The following ZSCAN31 variants were observed in gnomAD, a reference collection of about 807,000 sequenced individuals.
The protein encoded by ZSCAN31 is zinc finger and SCAN domain-containing protein 31.
A neutral mutation model predicts 22.5 loss-of-function variants in ZSCAN31; 14 were observed. That is an observed-to-expected ratio of 0.62 (90% CI 0.41 to 0.97). The LOEUF (loss-of-function observed/expected upper bound fraction) is 0.97. Among genes scored for constraint, ZSCAN31 ranks in the 50% least tolerant of loss-of-function variants. The probability of loss-of-function intolerance (pLI) is 0.00; values close to 1 mark genes in which losing one functional copy is unlikely to be tolerated. For synonymous variants in ZSCAN31, 168 were observed against 169.8 expected (o/e 0.99, Z 0.08); for missense variants, 424 against 483.4 (o/e 0.88, Z 1.15).
chr6:28,329,617 G>A lies in ZSCAN31; in HGVS notation c.67C>T (p.Gln23Ter). Residue 23 changes from glutamine (Q) to a stop codon, truncating the protein, a stop_gained, in exon 2 of 4, where the codon CAA (glutamine) becomes TAA (stop). Transcript: ENST00000344279. LOFTEE classifies it high-confidence loss of function. ...TTGTTCCCTCGAAGGTGGGTTTCTT[G>A]GTCCCAGATAGGGTCTTCCTCCACT... is the stretch of plus-strand genomic sequence containing the variant. Reference protein sequence around the residue: ...VKVEEDPIWDQETHLRGNNFS... With the variant: ...VKVEEDPIWD 6.2e-7 allele frequency: 1 copy of A among 1,614,130 alleles called. No individual in the cohort carries two copies. Among genetic ancestry groups the A allele is most frequent in the Non-Finnish European group, 8.5e-7 (1 of 1,180,026 alleles).
chr6:28,353,955 G>A (rs1356958125), intron 1 of ZSCAN31: 1 of 454,806 alleles, frequency 2.2e-6, no homozygotes, highest in Non-Finnish European at 4.4e-6. Context: ...ACTCGGGGCT[G>A]TAGGCAGGTA....
chr6:28,330,743 C>A (rs922834558), intron 1 of ZSCAN31, among the ~76,000 whole-genome samples: 2 of 152,074 alleles, frequency 1.3e-5, no homozygotes, highest in Non-Finnish European at 2.9e-5. Context: ...ATATATAAAA[C>A]CAGCTATAAT....
At chr6:28,326,960 A>C in intron 3 of ZSCAN31, 106 bp from the exon 4 acceptor site, 2 of 1,119,530 alleles carry the variant, frequency 1.8e-6, no homozygotes, top group Non-Finnish European at 2.5e-6. Flanking sequence ...TGTTCTAGGA[A>C]TGAAGAACTG....
chr6:28,353,695 A>G (rs1765216040), intron 2 of ZSCAN31, among the ~76,000 whole-genome samples: 1 of 152,230 alleles, frequency 6.6e-6, no homozygotes, highest in Non-Finnish European at 1.5e-5. Context: ...AGGAGTCTAC[A>G]GCCTAGAAAT....
chr6:28,329,508 C>T lies in ZSCAN31; in HGVS notation c.176G>A (p.Arg59Gln), dbSNP rs142010958. 9.9e-5 allele frequency: 159 copies of T among 1,614,084 alleles called. No homozygotes were observed. The highest frequency in any genetic ancestry group is 1.6e-4 in the Middle Eastern group (1 of 6,084). The change falls in exon 2 of 4, where the codon CGG becomes CAG. Residue 59 changes from arginine to glutamine, a missense_variant. Arg to Gln is a conservative substitution (Grantham distance 43). Coordinates refer to ENST00000344279, the MANE Select transcript of ZSCAN31 (RefSeq NM_030899.5). The part of the protein sequence containing the change: ...ETPGPREALS[R>Q]LRELCHQWLR... ...CCACTGATGACAGAGTTCTCGGAGC[C>T]GGCTCAGAGCTTCTCGGGGACCAGG... is the stretch of plus-strand genomic sequence containing the variant.
At chr6:28,339,665 T>C (rs992702354), upstream of ZSCAN31, among the ~76,000 whole-genome samples, 2 of 152,254 alleles carry the variant, frequency 1.3e-5, no homozygotes, top group African/African-American at 2.4e-5. Flanking sequence ...ATTTATTGCT[T>C]AAATCATGCC....
rs958852729 is a variant in ZSCAN31, at chr6:28,347,589, A to AT, written c.-370-5798dup. Reference sequence around the variant, plus strand: ...TTGTTTGTTTTTGTTTATTATTATTATTTTTTTGGCTCAGTCTCCCCTGGA... The same window carrying AT: ...TTGTTTGTTTTTGTTTATTATTATTATTTTTTTTGGCTCAGTCTCCCCTGGA... On this transcript the variant is annotated intron_variant, in intron 2 of 7. Transcript: ENST00000396838. This position sits in a 1 kb window ranked among gnomAD's most constrained non-coding sequence, Gnocchi z 5.2. 3.3e-5 allele frequency among the ~76,000 whole-genome samples: 5 copies of AT among 151,294 alleles called. No individual in the cohort carries two copies. Among genetic ancestry groups the AT allele is most frequent in the East Asian group, 3.9e-4 (2 of 5,164 alleles).
chr6:28,328,842 T>C (rs975207953), intron 2 of ZSCAN31, among the ~76,000 whole-genome samples: 1 of 152,190 alleles, frequency 6.6e-6, no homozygotes, highest in Admixed American at 6.5e-5. Flanking sequence ...AACTAATAAA[T>C]GTCCATGAAA....
At chr6:28,326,951 G>A in intron 3 of ZSCAN31, 97 bp from the exon 4 acceptor site, 1 of 1,194,600 alleles carries the variant, frequency 8.4e-7, no homozygotes, top group Non-Finnish European at 1.2e-6. Context: ...AAACAGACAT[G>A]TTCTAGGAAT....
chr6:28,346,342 CTTTT>C lies in ZSCAN31; in HGVS notation c.-370-4554_-370-4551del, dbSNP rs5875155. On this transcript the variant is annotated intron_variant, in intron 2 of 7. Coordinates refer to the ZSCAN31 transcript ENST00000396838. ...GCTTCTTGCTTCTCCTCAGTACAAT[CTTTT>C]TTTTTTTTTTTTTTTTTTTTTAAAC... Among the ~76,000 whole-genome samples the C allele has an allele frequency of 2.4e-3, 207 of 87,770 alleles. 1 individual carries two copies. Among genetic ancestry groups the C allele is most frequent in the Middle Eastern group, 0.023 (3 of 132 alleles). 57.6% of individuals were successfully genotyped at this position (87,770 alleles called of 152,430 possible).
At chr6:28,354,217 G>A (rs574947272), upstream of ZSCAN31, 760 of 311,108 alleles carry the variant, frequency 2.4e-3, 7 homozygotes, top group African/African-American at 0.014. Flanking sequence ...TATGTACAGT[G>A]TCAGCAGGGC....
intron 2 of ZSCAN31, among the ~76,000 whole-genome samples, chr6:28,345,168 A>AAAAAG (rs199518323): frequency 2.7e-5 from 4 of 149,956 alleles, no homozygotes; most frequent in East Asian, 2.0e-4. Flanking sequence ...AAAGAAAAAG[A>AAAAAG]AAAAGAAAAG....
Position 28,347,115 on chromosome 6 carries a change from C to T in ZSCAN31, c.-370-5323G>A, listed in dbSNP as rs1446128732. Among the ~76,000 whole-genome samples, 3 of 152,178 alleles carry T rather than the reference C, an allele frequency of 2.0e-5. No homozygotes were observed. On this transcript the variant is annotated intron_variant, in intron 2 of 7. Transcript: ENST00000396838. The surrounding 1 kb of genome is among the most constrained non-coding windows in gnomAD (Gnocchi z 5.2). Reference sequence around the variant, plus strand: ...CTTAAGGACTGTCCCATCCCTTGAGCTCCTGAGAGGATCAGCTGGAGCCTC... The same window carrying T: ...CTTAAGGACTGTCCCATCCCTTGAGTTCCTGAGAGGATCAGCTGGAGCCTC...
intron 2 of ZSCAN31, among the ~76,000 whole-genome samples, chr6:28,345,140 G>A (rs1247770392): frequency 9.3e-6 from 1 of 107,568 alleles, no homozygotes; most frequent in Non-Finnish European, 1.7e-5. Context: ...GTGAAACTGT[G>A]TCTCAAAAAA....
intron 2 of ZSCAN31, among the ~76,000 whole-genome samples, chr6:28,343,066 A>G (rs1326599223): frequency 6.6e-6 from 1 of 152,230 alleles, no homozygotes; most frequent in Non-Finnish European, 1.5e-5. Flanking sequence ...GTGGTCATAT[A>G]GGGGCCAGAT....
Position 28,352,951 on chromosome 6 carries a change from T to C in ZSCAN31, c.-371+911A>G, listed in dbSNP as rs1045010129. Reference sequence around the variant, plus strand: ...AACCTCTACCAGCCTTACATTTCTTTTCTTTTCTTTTTCTTTTTTTTTTTT... The same window carrying C: ...AACCTCTACCAGCCTTACATTTCTTCTCTTTTCTTTTTCTTTTTTTTTTTT... On this transcript the variant is annotated intron_variant, in intron 2 of 7. Transcript: ENST00000396838. Among the ~76,000 whole-genome samples the C allele has an allele frequency of 3.4e-5, 5 of 146,068 alleles. No individual in the cohort carries two copies. The Admixed American group carries it at 3.4e-4, about 10-fold the overall frequency.
At chr6:28,330,990 A>C (rs895683206) in intron 1 of ZSCAN31, among the ~76,000 whole-genome samples, 9 of 152,214 alleles carry the variant, frequency 5.9e-5, no homozygotes, top group African/African-American at 2.2e-4. Context: ...CACAATGGCG[A>C]TAAAGACAGG....
chr6:28,343,151 C>G lies in ZSCAN31; in HGVS notation c.-370-1359G>C, dbSNP rs1193244906. ...CTCTCTGCCTGCATTGATCATTTCT[C>G]TCATTTCTGAATATAAAACTGGAAT... On this transcript the variant is annotated intron_variant, in intron 2 of 7. Transcript: ENST00000396838. Among the ~76,000 whole-genome samples the G allele has an allele frequency of 3.9e-5, 6 of 152,274 alleles. No homozygotes were observed. In the East Asian group the frequency reaches 1.2e-3, roughly 29 times the overall value.
At chr6:28,337,868 C>G (rs1764255715), upstream of ZSCAN31, 1 of 152,098 alleles carries the variant, frequency 6.6e-6, no homozygotes, top group Admixed American at 6.5e-5. Flanking sequence ...CAAGACAAGC[C>G]TGGGCGACAT....
Sources: allele counts gnomAD v4.1 joint callset (sites outside exome capture counted in the v4.1 genomes callset), GRCh38; gene constraint gnomAD v4.1.1; non-coding constraint Gnocchi (gnomAD v3.1); transcripts MANE v1.5; gene names NCBI Gene and HGNC (gene_info 2026-07-23, HGNC 2026-07-21).